Variants in ZNF165 observed in about 807,000 individuals in gnomAD.
ZNF165 encodes the protein zinc finger protein 165.
In ZNF165, 14 loss-of-function variants were observed where a neutral mutation model predicts 19.6. The ratio of observed to expected loss-of-function variants is 0.71; its 90% CI spans 0.47 to 1.12. ZNF165 has a LOEUF of 1.12. Among genes scored for constraint, ZNF165 ranks in the 50% most tolerant of loss-of-function variants. The pLI, the probability that ZNF165 is intolerant of heterozygous loss-of-function variation, is 0.00. For missense variants in ZNF165, 504 were observed against 566.3 expected, an observed-to-expected ratio of 0.89 and a Z score of 1.12; for synonymous variants, 165 against 195.0, an observed-to-expected ratio of 0.85 and a Z score of 1.28.
Position 28,089,158 on chromosome 6 carries a change from A to G in ZNF165, c.1146A>G (p.Ala382=). ...GTAATGAATGTGGGAAAAGCTTTGC[A>G]GAGAGCTCAGATCTTACTAGACATC... ...YECNECGKSF[A]ESSDLTRHRR... The change falls in exon 4 of 4, where the codon GCA becomes GCG. Residue 382 remains alanine (A), a synonymous_variant. Transcript: ENST00000683778. 1 of 1,614,212 alleles carries G rather than the reference A, an allele frequency of 6.2e-7. No homozygotes were observed. Among genetic ancestry groups the G allele is most frequent in the Non-Finnish European group, 8.5e-7 (1 of 1,180,032 alleles).
chr6:28,086,171 G>T lies in ZNF165; in HGVS notation c.412-1G>T. On this transcript the variant is annotated splice_acceptor_variant, in intron 2 of 3. Transcript: ENST00000683778. LOFTEE classifies it high-confidence loss of function. ...GCCCAAATGTACTTTATTTTTCTCA[G>T]GTTCAAGCCCATGAACATGGACAAG... The T allele has an allele frequency of 6.2e-7, 1 of 1,611,988 alleles. No individual in the cohort carries two copies. Among genetic ancestry groups the T allele is most frequent in the Non-Finnish European group, 8.5e-7 (1 of 1,179,258 alleles).
intron 1 of ZNF165, among the ~76,000 whole-genome samples, chr6:28,084,525 G>A (rs189207210): frequency 5.9e-5 from 9 of 152,132 alleles, no homozygotes; most frequent in Admixed American, 1.3e-4. Context: ...CAGGTGTGGC[G>A]GTGTGCATCT....
In ZNF165 at chr6:28,089,185, GC is replaced by G; in HGVS notation, c.1174del (p.Arg392GlufsTer20). On this transcript the variant is annotated frameshift_variant, in exon 4 of 4. Coordinates refer to ENST00000683778, the MANE Select transcript of ZNF165 (RefSeq NM_001376491.1). LOFTEE classifies it low-confidence loss of function (END_TRUNC). ...AESSDLTRHR[R>X]IHTGERPFGC... is the part of the protein sequence containing the mutation. ...AGAGCTCAGATCTTACTAGACATCG[GC>G]GAATTCACACTGGGGAAAGACCCTT... 1 of 1,614,192 alleles carries G rather than the reference GC, an allele frequency of 6.2e-7. No homozygotes were observed. Among genetic ancestry groups the G allele is most frequent in the African/African-American group, 1.3e-5 (1 of 75,048 alleles).
intron 1 of ZNF165, among the ~76,000 whole-genome samples, chr6:28,082,521 G>A (rs1192458779): frequency 1.3e-5 from 2 of 152,220 alleles, no homozygotes; most frequent in African/African-American, 4.8e-5. Context: ...GGGATGGGCC[G>A]AAATAAAGGG....
chr6:28,088,070 A>C (rs1764320087), intron 3 of ZNF165, among the ~76,000 whole-genome samples: 1 of 152,224 alleles, frequency 6.6e-6, no homozygotes, highest in South Asian at 2.1e-4. Flanking sequence ...AGACTGATTA[A>C]CCATGGAATA....
chr6:28,081,381 G>C (rs1403053569), intron 1 of ZNF165: 1 of 152,254 alleles, frequency 6.6e-6, no homozygotes, highest in Non-Finnish European at 1.5e-5. Context: ...CCAATCCCCT[G>C]CTTCCCTTGG....
chr6:28,085,909 G>T lies in ZNF165; in HGVS notation c.411+18G>T, dbSNP rs760062080. 7 of 1,601,750 alleles carry T rather than the reference G, an allele frequency of 4.4e-6. No individual in the cohort carries two copies. Among genetic ancestry groups the T allele is most frequent in the Non-Finnish European group, 5.9e-6 (7 of 1,179,030 alleles). On this transcript the variant is annotated intron_variant, in intron 2 of 3. Transcript: ENST00000683778. Reference sequence around the variant, plus strand: ...TACTCCAGGTGCACAGGGGATGGGAGATCTAAGACCTCCATAATGGATAAA... The same window carrying T: ...TACTCCAGGTGCACAGGGGATGGGATATCTAAGACCTCCATAATGGATAAA...
In ZNF165 at chr6:28,085,753, G is replaced by C. The variant is rs1359340369; in HGVS notation, c.273G>C (p.Leu91=). The C allele has an allele frequency of 6.2e-7, 1 of 1,613,792 alleles. No individual in the cohort carries two copies. Residue 91 remains leucine (L), a synonymous_variant, in exon 2 of 4, where the codon CTG becomes CTC. Transcript: ENST00000683778. ...EIHTKEQILE[L]LVLEQFLTIL... is the part of the protein sequence containing the mutation. ...ATACCAAGGAACAGATTCTGGAACT[G>C]CTGGTGCTAGAGCAGTTCCTGACCA... is the stretch of plus-strand genomic sequence containing the variant.
chr6:28,081,879 T>C (rs1764164255), intron 1 of ZNF165, among the ~76,000 whole-genome samples: 1 of 152,188 alleles, frequency 6.6e-6, no homozygotes, highest in South Asian at 2.1e-4. Context: ...CGGTTTTAAA[T>C]AGATGAGAAG....
At chr6:28,082,125 G>A (rs1232399903) in intron 1 of ZNF165, among the ~76,000 whole-genome samples, 1 of 152,008 alleles carries the variant, frequency 6.6e-6, no homozygotes, top group Non-Finnish European at 1.5e-5. Context: ...GAGACTCTCT[G>A]GTTAATATAC....
upstream of ZNF165, among the ~76,000 whole-genome samples, chr6:28,080,416 C>T (rs995610301): frequency 6.6e-6 from 1 of 152,074 alleles, no homozygotes; most frequent in Non-Finnish European, 1.5e-5. Flanking sequence ...CTCACTCTGT[C>T]ACCCAAGCTG....
chr6:28,082,382 G>C (rs944917316), intron 1 of ZNF165, among the ~76,000 whole-genome samples: 1 of 152,240 alleles, frequency 6.6e-6, no homozygotes, highest in Non-Finnish European at 1.5e-5. Flanking sequence ...GAAATATAGA[G>C]TGTGGAGTGG....
intron 3 of ZNF165, among the ~76,000 whole-genome samples, chr6:28,087,637 C>T (rs149994981): frequency 1.3e-5 from 2 of 152,310 alleles, no homozygotes; most frequent in East Asian, 3.9e-4. Context: ...AAATTTCCCT[C>T]ACCCCATGAA....
intron 1 of ZNF165, among the ~76,000 whole-genome samples, chr6:28,084,650 C>G (rs1447947911): frequency 3.3e-5 from 5 of 152,006 alleles, no homozygotes; most frequent in African/African-American, 1.2e-4. Context: ...TAGAGTAAGA[C>G]TCCCTCTCAA....
intron 1 of ZNF165, among the ~76,000 whole-genome samples, chr6:28,084,207 T>C (rs1020879395): frequency 1.3e-5 from 2 of 152,232 alleles, no homozygotes; most frequent in African/African-American, 2.4e-5. Flanking sequence ...AGATCCCATA[T>C]GATGATTAGG....
rs754206729 is a variant in ZNF165, at chr6:28,085,671, G to A, written c.191G>A (p.Arg64His). The change falls in exon 2 of 4, where the codon CGC (arginine) becomes CAC (histidine). Residue 64 changes from arginine to histidine, a missense_variant. Physicochemically the swap from Arg to His is conservative, Grantham distance 29. Transcript: ENST00000683778. Reference sequence around the variant, plus strand: ...TGCTACCAGGATTCTCCTGGACCTCGCGAGGCACTGAGCCGCCTCCGGGAG... The same window carrying A: ...TGCTACCAGGATTCTCCTGGACCTCACGAGGCACTGAGCCGCCTCCGGGAG... Reference protein sequence around the residue: ...QFCYQDSPGPREALSRLRELC... With the variant: ...QFCYQDSPGPHEALSRLRELC... The A allele has an allele frequency of 1.7e-5, 27 of 1,614,010 alleles. No homozygotes were observed. Among genetic ancestry groups the A allele is most frequent in the South Asian group, 1.1e-4 (10 of 91,084 alleles).
Position 28,080,888 on chromosome 6 carries a change from C to G in ZNF165, c.-83C>G, listed in dbSNP as rs532532050. 9.8e-5 allele frequency: 15 copies of G among 152,302 alleles called. No individual in the cohort carries two copies. In the East Asian group the frequency reaches 2.7e-3, roughly 28 times the overall value. 9.4% of individuals were successfully genotyped at this position (152,302 alleles called of 1,614,324 possible). A position where few individuals can be genotyped will look rare whatever the true frequency, so the allele number is the denominator to read the frequency against. ...CCGCCTTCTGCGCAGACTCACAAGTCCCTGTGGACGGAATTCTTGAAGTGT... is the reference window on the plus strand; with the variant it reads ...CCGCCTTCTGCGCAGACTCACAAGTGCCTGTGGACGGAATTCTTGAAGTGT... On this transcript the variant is annotated 5_prime_UTR_variant, in exon 1 of 4. Coordinates refer to ENST00000683778, the MANE Select transcript of ZNF165 (RefSeq NM_001376491.1).
chr6:28,081,878 A>G (rs1437452233), intron 1 of ZNF165, among the ~76,000 whole-genome samples: 1 of 152,220 alleles, frequency 6.6e-6, no homozygotes, highest in African/African-American at 2.4e-5. Flanking sequence ...TCGGTTTTAA[A>G]TAGATGAGAA....
chr6:28,083,197 C>A (rs145369327), intron 1 of ZNF165, among the ~76,000 whole-genome samples: 178 of 152,282 alleles, frequency 1.2e-3, no homozygotes, highest in Admixed American at 2.9e-3. Context: ...CTACTCTGTT[C>A]CTTTCCTTTC....
Sources: gnomAD v4.1 joint callset for allele counts (sites outside exome capture counted in the v4.1 genomes callset) on GRCh38, gnomAD v4.1.1 for gene constraint, MANE v1.5 for transcripts, NCBI Gene and HGNC (gene_info 2026-07-23, HGNC 2026-07-21) for gene names.